DYNC1H1: variants seen among roughly 807,000 people sequenced by gnomAD.
DYNC1H1 encodes dynein cytoplasmic 1 heavy chain 1.
Under a neutral mutation model 527.1 loss-of-function variants are expected in DYNC1H1, and 51 were observed. The ratio of observed to expected loss-of-function variants is 0.10; its 90% confidence interval spans 0.08 to 0.12. DYNC1H1 has a LOEUF of 0.12. DYNC1H1 is among the 10% of genes least tolerant of loss of function. The pLI is 1.00. For missense variants in DYNC1H1, 2,771 were observed against 5,971.8 expected (o/e 0.46, Z 17.66); for synonymous variants, 2,189 against 2,278.8 (o/e 0.96, Z 1.12).
In DYNC1H1 at chr14:102,049,511, T is replaced by C; in HGVS notation, c.13444T>C (p.Phe4482Leu). Reference protein sequence around the residue: ...GMTVIQWVSDFSERIKQLQNI... With the variant: ...GMTVIQWVSDLSERIKQLQNI... Reference sequence around the variant, plus strand: ...GACCGTCATCCAGTGGGTGTCCGACTTCAGCGAGAGGATCAAACAGCTGCA... The same window carrying C: ...GACCGTCATCCAGTGGGTGTCCGACCTCAGCGAGAGGATCAAACAGCTGCA... Residue 4482 changes from phenylalanine (F) to leucine (L), a missense_variant, in exon 75 of 78, where the codon TTC becomes CTC. Transcript: ENST00000360184. The surrounding 1 kb of genome is among the most constrained non-coding windows in gnomAD (Gnocchi z 5.5). The C allele has an allele frequency of 6.2e-7, 1 of 1,614,146 alleles. No individual in the cohort carries two copies. The highest frequency in any genetic ancestry group is 8.5e-7 in the Non-Finnish European group (1 of 1,180,038).
At position 102,029,913 on chromosome 14, in the gene DYNC1H1, A is replaced by G. The variant is rs1291221765; in HGVS notation, c.9737A>G (p.Asp3246Gly). 6.2e-7 allele frequency: 1 copy of G among 1,614,178 alleles called. No homozygotes were observed. Residue 3246 changes from aspartate (D) to glycine (G), a missense_variant, in exon 50 of 78, where the codon GAC becomes GGC. Transcript: ENST00000360184. This position sits in a 1 kb window ranked among gnomAD's most constrained non-coding sequence, Gnocchi z 5.3. ...ANDKLKKMVK[D>G]QQEAEKKKVM... ...GACAAGCTGAAAAAGATGGTGAAAG[A>G]CCAGCAGGAGGCTGAAAAGAAGAAG...
intron 16 of DYNC1H1, among the ~76,000 whole-genome samples, chr14:101,998,367 C>T (rs766933623): frequency 1.3e-5 from 2 of 150,036 alleles, no homozygotes; most frequent in African/African-American, 2.5e-5. Flanking sequence ...CCTCTATAAA[C>T]GCTGATCTGA....
chr14:102,027,786 G>A lies in DYNC1H1; in HGVS notation c.9216G>A (p.Ser3072=), dbSNP rs752518392. ...LHVVFTMNPS[S]EGLKDRAATS... ...TCGTGTTCACCATGAACCCGTCCTC[G>A]GAGGGACTCAAGGACCGGGCAGCTA... The change falls in exon 47 of 78, where the codon TCG becomes TCA. Residue 3072 remains serine (S), a synonymous_variant. Coordinates refer to ENST00000360184, the MANE Select transcript of DYNC1H1 (RefSeq NM_001376.5). The surrounding 1 kb of genome is among the most constrained non-coding windows in gnomAD (Gnocchi z 7.7). 52 of 1,614,040 alleles carry A rather than the reference G, an allele frequency of 3.2e-5. No homozygotes were observed. Among genetic ancestry groups the A allele is most frequent in the Admixed American group, 1.0e-4 (6 of 59,986 alleles).
At position 102,015,283 on chromosome 14, in the gene DYNC1H1, G is replaced by A. The variant is rs912429154; in HGVS notation, c.7193G>A (p.Arg2398His). The change falls in exon 35 of 78, where the codon CGT (arginine) becomes CAT (histidine). Residue 2398 changes from arginine (R) to histidine (H), a missense_variant. Physicochemically the swap from Arg to His is conservative, Grantham distance 29. This residue lies in a region of DYNC1H1 where 122 missense variants were observed against 168.4 expected (regional missense o/e 0.72). Transcript: ENST00000360184. This position sits in a 1 kb window ranked among gnomAD's most constrained non-coding sequence, Gnocchi z 6.9. The stretch of plus-strand genomic sequence containing the variant: ...GGGGAGGATGAGGCACAGCGGCGGC[G>A]TAAGGGCAAAGAGGATGAGGGGGAG... The part of the protein sequence containing the change: ...DEGEDEAQRR[R>H]KGKEDEGEEA... The A allele has an allele frequency of 2.9e-5, 47 of 1,614,080 alleles. No homozygotes were observed. The highest frequency in any genetic ancestry group is 3.7e-5 in the Non-Finnish European group (44 of 1,180,040).
rs866257129 is a variant in DYNC1H1, at chr14:102,056,209, T to C, written c.*5646T>C. ...CGATGTTACCCATAGATTTCAGGCA[T>C]TGTATGGAAGAACATCGTGAGACTC... On this transcript the variant is annotated 3_prime_UTR_variant, in exon 78 of 78. Coordinates refer to ENST00000360184, the MANE Select transcript of DYNC1H1 (RefSeq NM_001376.5). 9.2e-5 allele frequency: 14 copies of C among 152,206 alleles called. No individual in the cohort carries two copies. Among genetic ancestry groups the C allele is most frequent in the African/African-American group, 3.4e-4 (14 of 41,452 alleles). 9.4% of individuals were successfully genotyped at this position (152,206 alleles called of 1,614,324 possible).
In DYNC1H1 at chr14:102,039,571, C is replaced by A; in HGVS notation, c.11595+25C>A. On this transcript the variant is annotated intron_variant, in intron 61 of 77. Transcript: ENST00000360184. The surrounding 1 kb of genome is among the most constrained non-coding windows in gnomAD (Gnocchi z 7.0). ...GGTAGAGTGAGGTCCTCAGCCGCTCCCTGGCGGGGGGGAAGCAGGGTGCTG... is the reference window on the plus strand; with the variant it reads ...GGTAGAGTGAGGTCCTCAGCCGCTCACTGGCGGGGGGGAAGCAGGGTGCTG... 1 of 1,614,218 alleles carries A rather than the reference C, an allele frequency of 6.2e-7. No homozygotes were observed. Among genetic ancestry groups the A allele is most frequent in the Non-Finnish European group, 8.5e-7 (1 of 1,180,020 alleles).
rs1408182872 is a variant in DYNC1H1 at position 102,027,749 on chromosome 14, G to A, written c.9179G>A (p.Arg3060His). Reference sequence around the variant, plus strand: ...AAGTGGTTCACTAGCCAGGTTATCCGCAACCTCCACGTCGTGTTCACCATG... The same window carrying A: ...AAGTGGTTCACTAGCCAGGTTATCCACAACCTCCACGTCGTGTTCACCATG... ...LYKWFTSQVI[R>H]NLHVVFTMNP... Residue 3060 changes from arginine to histidine, a missense_variant, in exon 47 of 78, where the codon CGC becomes CAC. Around this residue, in one of 32 missense-constraint regions of DYNC1H1, gnomAD observed 84 missense variants for 285.4 expected, o/e 0.29. Transcript: ENST00000360184. This position sits in a 1 kb window ranked among gnomAD's most constrained non-coding sequence, Gnocchi z 7.7. The A allele has an allele frequency of 8.1e-6, 13 of 1,614,136 alleles. No individual in the cohort carries two copies. The highest frequency in any genetic ancestry group is 1.7e-5 in the Admixed American group (1 of 60,008).
chr14:102,054,253 G>A lies in DYNC1H1; in HGVS notation c.*3690G>A. ...TTCCTCTCAACAGCTCTTCCAAAGG[G>A]CAAGGCAGCATTTTCCTGGTGAGGG... On this transcript the variant is annotated 3_prime_UTR_variant, in exon 78 of 78. Transcript: ENST00000360184. 6.6e-6 allele frequency: 1 copy of A among 152,458 alleles called. No homozygotes were observed. The highest frequency in any genetic ancestry group is 1.5e-5 in the Non-Finnish European group (1 of 68,198). The allele number at this position is 152,458 out of a possible 1,614,324, so 9.4% of individuals were successfully genotyped here. A position where few individuals can be genotyped will look rare whatever the true frequency, so the allele number is the denominator to read the frequency against.
intron 72 of DYNC1H1, among the ~76,000 whole-genome samples, chr14:102,047,366 C>G (rs1022449837): frequency 6.6e-6 from 1 of 151,728 alleles, no homozygotes; most frequent in Admixed American, 6.6e-5. Flanking sequence ...AACCCTGTCT[C>G]TACTAAAAAT....
rs544185994 is a variant in DYNC1H1, at chr14:102,013,209, A to G, written c.7014+739A>G. Reference sequence around the variant, plus strand: ...TGTTGCAGTGAGCCGAGATCGCGCCACTGCACTGCAGCCTGGGCGACAGAG... The same window carrying G: ...TGTTGCAGTGAGCCGAGATCGCGCCGCTGCACTGCAGCCTGGGCGACAGAG... On this transcript the variant is annotated intron_variant, in intron 34 of 77. Transcript: ENST00000360184. Among the ~76,000 whole-genome samples, 51 of 139,224 alleles carry G rather than the reference A, an allele frequency of 3.7e-4. No homozygotes were observed. In the East Asian group the frequency reaches 0.011, roughly 31 times the overall value. 91.3% of individuals were successfully genotyped at this position (139,224 alleles called of 152,430 possible). A position where few individuals can be genotyped will look rare whatever the true frequency, so the allele number is the denominator to read the frequency against.
Position 102,004,675 on chromosome 14 carries a change from G to A in DYNC1H1, c.5041G>A (p.Gly1681Arg). ...SVVLGISSRE[G>R]EEVMFKTPVS... ...TGTTTTGGGTATTTCATCTCGGGAA[G>A]GAGAGGAGGTAAATTTATGTTCGTA... Residue 1681 changes from glycine (G) to arginine (R), a missense_variant, in exon 24 of 78, where the codon GGA becomes AGA. By Grantham distance (125) the Gly-to-Arg change is moderately radical (BLOSUM62 -2). Coordinates refer to ENST00000360184, the MANE Select transcript of DYNC1H1 (RefSeq NM_001376.5). The A allele has an allele frequency of 6.2e-7, 1 of 1,614,152 alleles. No individual in the cohort carries two copies. Among genetic ancestry groups the A allele is most frequent in the Non-Finnish European group, 8.5e-7 (1 of 1,180,026 alleles).
Position 102,049,539 on chromosome 14 carries a change from A to G in DYNC1H1, c.13472A>G (p.Asn4491Ser). 1.2e-6 allele frequency: 2 copies of G among 1,614,084 alleles called. No homozygotes were observed. The highest frequency in any genetic ancestry group is 2.2e-5 in the East Asian group (1 of 44,848). Residue 4491 changes from asparagine to serine, a missense_variant, in exon 75 of 78, where the codon AAC becomes AGC. Physicochemically the swap from Asn to Ser is conservative, Grantham distance 46. This residue lies in a region of DYNC1H1 where 170 missense variants were observed against 249.8 expected (regional missense o/e 0.68). Transcript: ENST00000360184. The surrounding 1 kb of genome is among the most constrained non-coding windows in gnomAD (Gnocchi z 5.5). ...AGCGAGAGGATCAAACAGCTGCAGA[A>G]CATCTCACTGGCAGCTGCATCTGGT... The part of the protein sequence containing the change: ...DFSERIKQLQ[N>S]ISLAAASGGA...
At chr14:101,971,756 T>C (rs2047741665) in intron 1 of DYNC1H1, among the ~76,000 whole-genome samples, 1 of 152,212 alleles carries the variant, frequency 6.6e-6, no homozygotes, top group African/African-American at 2.4e-5. Flanking sequence ...AATGCTTACC[T>C]AATTCATAGT....
At position 102,029,466 on chromosome 14, in the gene DYNC1H1, G is replaced by A. The variant is rs2048486056; in HGVS notation, c.9469-73G>A. ...CTATCATGTCACACCCATCTGCCAA[G>A]GCCAAAATTGTTTTCTGAGGTTAAG... On this transcript the variant is annotated intron_variant, in intron 48 of 77. Coordinates refer to ENST00000360184, the MANE Select transcript of DYNC1H1 (RefSeq NM_001376.5). The surrounding 1 kb of genome is among the most constrained non-coding windows in gnomAD (Gnocchi z 5.3). 6.2e-7 allele frequency: 1 copy of A among 1,607,094 alleles called. No individual in the cohort carries two copies.
chr14:102,043,160 A>G (rs1449560963), intron 69 of DYNC1H1: 8 of 321,868 alleles, frequency 2.5e-5, no homozygotes, highest in East Asian at 8.2e-5. Context: ...GCGTGCGCCT[A>G]TAATCCCAGC....
chr14:102,025,402 CT>C (rs1165100569), intron 43 of DYNC1H1, among the ~76,000 whole-genome samples: 2 of 145,876 alleles, frequency 1.4e-5, no homozygotes, highest in African/African-American at 5.2e-5. Flanking sequence ...GAGACTCTGT[CT>C]CAAAAAAAAA....
chr14:101,993,991 T>C (rs2048027661), intron 11 of DYNC1H1, among the ~76,000 whole-genome samples, 193 bp from the exon 12 acceptor site: 1 of 152,224 alleles, frequency 6.6e-6, no homozygotes, highest in Non-Finnish European at 1.5e-5. Context: ...ATTAATGTTC[T>C]TGTATTGGTT....
rs755973492 is a variant in DYNC1H1, at chr14:102,000,408, T to C, written c.4074+9T>C. ...CAGTACAGCCTCGAAAGGTATATCA[T>C]GAAATCGGTGTTTGTGTACGTCTAT... is the stretch of plus-strand genomic sequence containing the variant. On this transcript the variant is annotated intron_variant, in intron 18 of 77. Coordinates refer to ENST00000360184, the MANE Select transcript of DYNC1H1 (RefSeq NM_001376.5). 9 of 1,613,224 alleles carry C rather than the reference T, an allele frequency of 5.6e-6. No individual in the cohort carries two copies. The highest frequency in any genetic ancestry group is 3.3e-5 in the South Asian group (3 of 91,046).
In DYNC1H1 at chr14:102,042,941, C is replaced by T; in HGVS notation, c.12513+193C>T. ...GTGGCTCACACTGGTAATCCTAGCA[C>T]TTTGGAAGGTCGAGGTGGGAGGATC... is the stretch of plus-strand genomic sequence containing the variant. On this transcript the variant is annotated intron_variant, in intron 69 of 77. Coordinates refer to ENST00000360184, the MANE Select transcript of DYNC1H1 (RefSeq NM_001376.5). This position sits in a 1 kb window ranked among gnomAD's most constrained non-coding sequence, Gnocchi z 5.7. The T allele has an allele frequency of 1.5e-6, 1 of 670,654 alleles. No individual in the cohort carries two copies. 41.5% of individuals were successfully genotyped at this position (670,654 alleles called of 1,614,324 possible).
Sources: allele counts gnomAD v4.1 joint callset (sites outside exome capture counted in the v4.1 genomes callset), GRCh38; gene constraint gnomAD v4.1.1; regional missense constraint gnomAD v4.1.1; non-coding constraint Gnocchi (gnomAD v3.1); transcripts MANE v1.5; gene names NCBI Gene and HGNC (gene_info 2026-07-23, HGNC 2026-07-21).